The following SEZ6L variants were observed in gnomAD, a reference collection of about 807,000 sequenced individuals.
SEZ6L encodes seizure 6-like protein.
SEZ6L carries 37 observed loss-of-function variants against 106.2 expected under a neutral mutation model. The observed-to-expected ratio is 0.35, with a 90% confidence interval of 0.27 to 0.46. The LOEUF is 0.46. Among genes scored for constraint, SEZ6L ranks in the 20% least tolerant of loss-of-function variants. The pLI is 1.00. For synonymous variants in SEZ6L, 541 were observed against 570.4 expected (o/e 0.95, Z 0.73); for missense variants, 1,172 against 1,332.8 (o/e 0.88, Z 1.88).
chr22:26,375,456 C>T, intron 14 of SEZ6L, 119 bp from the exon 15 acceptor site: 2 of 762,872 alleles, frequency 2.6e-6, no homozygotes, highest in East Asian at 2.6e-5. Flanking sequence ...GGTCTAAGGC[C>T]CTCCCAGAGC....
At chr22:26,265,497 C>T (rs1212122300) in intron 1 of SEZ6L, among the ~76,000 whole-genome samples, 1 of 152,154 alleles carries the variant, frequency 6.6e-6, no homozygotes, top group Non-Finnish European at 1.5e-5. Flanking sequence ...GAGACGATTA[C>T]ATATTCCCCA....
intron 1 of SEZ6L, among the ~76,000 whole-genome samples, chr22:26,209,907 A>AGAAGGGAGAGAGGAAGGAAGGAAG (rs2078103045): frequency 7.2e-6 from 1 of 139,582 alleles, no homozygotes; most frequent in South Asian, 2.4e-4. Flanking sequence ...AAGGAAGGAA[A>AGAAGGGAGAGAGGAAGGAAGGAAG]GAAGGAGGAA....
At chr22:26,173,836 G>C (rs774626670) in intron 1 of SEZ6L, among the ~76,000 whole-genome samples, 3 of 152,158 alleles carry the variant, frequency 2.0e-5, no homozygotes, top group Non-Finnish European at 4.4e-5. Context: ...GGGACAGAGA[G>C]CCCGGGTCTC....
intron 1 of SEZ6L, among the ~76,000 whole-genome samples, chr22:26,252,041 C>G (rs2079612061): frequency 6.6e-6 from 1 of 152,150 alleles, no homozygotes; most frequent in Admixed American, 6.5e-5. Context: ...GCGGCAGCAG[C>G]AGCATCAGCG....
chr22:26,257,596 T>C (rs550152456), intron 1 of SEZ6L, among the ~76,000 whole-genome samples: 1 of 152,278 alleles, frequency 6.6e-6, no homozygotes, highest in Non-Finnish European at 1.5e-5. Flanking sequence ...AAGGACTTCT[T>C]AATTTAAGGT....
At chr22:26,302,547 A>G (rs1210424315) in intron 5 of SEZ6L, among the ~76,000 whole-genome samples, 1 of 152,240 alleles carries the variant, frequency 6.6e-6, no homozygotes, top group Admixed American at 6.5e-5. Context: ...AGTTATTCAT[A>G]GCCAAGTGGA....
intron 16 of SEZ6L, among the ~76,000 whole-genome samples, chr22:26,380,054 G>A (rs1244798665): frequency 6.6e-6 from 1 of 152,218 alleles, no homozygotes; most frequent in Admixed American, 6.5e-5. Context: ...TAGACAGGAT[G>A]TGAGCAGAAA....
intron 1 of SEZ6L, among the ~76,000 whole-genome samples, chr22:26,258,240 C>T (rs573845048): frequency 1.2e-4 from 18 of 152,234 alleles, no homozygotes; most frequent in South Asian, 8.3e-4. Context: ...AGGTGCTCCC[C>T]GAGTTTAAAC....
chr22:26,381,886 G>C lies in SEZ6L; in HGVS notation c.*1591G>C. 1 of 408,304 alleles carries C rather than the reference G, an allele frequency of 2.4e-6. No individual in the cohort carries two copies. Among genetic ancestry groups the C allele is most frequent in the Non-Finnish European group, 4.9e-6 (1 of 205,918 alleles). The allele number at this position is 408,304 out of a possible 1,614,324, so 25.3% of individuals were successfully genotyped here. Reference sequence around the variant, plus strand: ...CCCATTCTCTCTGGAATTGTTTCAAGTCTGCTGGTTTTCAAACAAGAAAAG... The same window carrying C: ...CCCATTCTCTCTGGAATTGTTTCAACTCTGCTGGTTTTCAAACAAGAAAAG... On this transcript the variant is annotated 3_prime_UTR_variant, in exon 17 of 17. Coordinates refer to ENST00000248933, the MANE Select transcript of SEZ6L (RefSeq NM_021115.5).
intron 3 of SEZ6L, 143 bp from the exon 4 acceptor site, chr22:26,296,745 G>C (rs2081311878): frequency 5.0e-6 from 3 of 595,056 alleles, no homozygotes; most frequent in Non-Finnish European, 7.9e-6. Flanking sequence ...GGCTCCTGTG[G>C]GCTCGGCATG....
At chr22:26,371,205 CA>C (rs1287864602) in intron 13 of SEZ6L, among the ~76,000 whole-genome samples, 1 of 151,542 alleles carries the variant, frequency 6.6e-6, no homozygotes, top group Non-Finnish European at 1.5e-5. Context: ...TTTGTTTTGC[CA>C]AAAAAAATCT....
At chr22:26,322,489 G>A (rs2082182769) in intron 9 of SEZ6L, among the ~76,000 whole-genome samples, 1 of 152,196 alleles carries the variant, frequency 6.6e-6, no homozygotes, top group South Asian at 2.1e-4. Context: ...GGCTTGGAGG[G>A]TGAGTTGAGG....
chr22:26,273,849 C>A (rs966342386), intron 1 of SEZ6L, among the ~76,000 whole-genome samples: 3 of 152,130 alleles, frequency 2.0e-5, no homozygotes, highest in Non-Finnish European at 2.9e-5. Flanking sequence ...ATAGAATAGA[C>A]TCTGGACATT....
At chr22:26,293,945 C>G (rs1480742596) in intron 2 of SEZ6L, among the ~76,000 whole-genome samples, 2 of 152,188 alleles carry the variant, frequency 1.3e-5, no homozygotes, top group Non-Finnish European at 2.9e-5. Context: ...CACGTGAGCT[C>G]TGGGTCCAAA....
At chr22:26,355,584 G>A (rs1036633839) in intron 12 of SEZ6L, among the ~76,000 whole-genome samples, 12 of 152,098 alleles carry the variant, frequency 7.9e-5, no homozygotes, top group Admixed American at 2.6e-4. Flanking sequence ...ACAAAAATTA[G>A]CCAGACTTGA....
At chr22:26,361,335 T>G (rs1229220667) in intron 12 of SEZ6L, among the ~76,000 whole-genome samples, 4 of 60,144 alleles carry the variant, frequency 6.7e-5, no homozygotes, top group Non-Finnish European at 7.3e-5. Context: ...CCGTCTCTAC[T>G]AAAAATACAA....
intron 16 of SEZ6L, among the ~76,000 whole-genome samples, chr22:26,378,857 T>C (rs561966617): frequency 3.3e-5 from 5 of 152,348 alleles, no homozygotes; most frequent in Non-Finnish European, 5.9e-5. Flanking sequence ...CTAACCTTCC[T>C]TCACCTCCAC....
chr22:26,245,370 A>AT (rs2079299818), intron 1 of SEZ6L, among the ~76,000 whole-genome samples: 1 of 152,130 alleles, frequency 6.6e-6, no homozygotes, highest in Non-Finnish European at 1.5e-5. Context: ...TTCGGCTGGA[A>AT]CAGGGGTGCA....
intron 11 of SEZ6L, among the ~76,000 whole-genome samples, chr22:26,348,687 AAAG>A (rs1324437557): frequency 1.6e-5 from 1 of 64,456 alleles, no homozygotes; most frequent in Non-Finnish European, 3.0e-5. Flanking sequence ...AGAAAGAAAG[AAAG>A]AAAGAAAGAA....
Sources: allele counts gnomAD v4.1 joint callset (sites outside exome capture counted in the v4.1 genomes callset), GRCh38; gene constraint gnomAD v4.1.1; transcripts MANE v1.5; gene names NCBI Gene and HGNC (gene_info 2026-07-23, HGNC 2026-07-21).